The following DERA variants were observed in gnomAD, a reference collection of about 807,000 sequenced individuals.
The protein encoded by DERA is 2-deoxy-D-ribose 5-phosphate aldolase.
In DERA, 15 loss-of-function variants were observed where a neutral mutation model predicts 41.1. The observed-to-expected ratio is 0.37, with a 90% CI of 0.24 to 0.56. DERA has a LOEUF of 0.56. DERA is among the 20% of genes least tolerant of loss of function. The pLI is 0.81. For missense variants in DERA, 396 were observed against 403.4 expected (o/e 0.98, Z 0.16); for synonymous variants, 139 against 137.4 (o/e 1.01, Z -0.08).
intron 6 of DERA, among the ~76,000 whole-genome samples, chr12:16,032,199 G>A (rs1014311689): frequency 7.2e-5 from 11 of 152,188 alleles, no homozygotes; most frequent in South Asian, 4.2e-4. Context: ...AAAATGTTAC[G>A]ATGTATAATA....
At chr12:15,950,994 G>A (rs1455711665) in intron 1 of DERA, among the ~76,000 whole-genome samples, 3 of 152,202 alleles carry the variant, frequency 2.0e-5, no homozygotes, top group Non-Finnish European at 2.9e-5. Flanking sequence ...TCTGTCCCTT[G>A]TCTGTCTTGT....
rs1949019283 is a variant in DERA at position 16,021,914 on chromosome 12, AG to A, written c.638-10627del. Among the ~76,000 whole-genome samples the A allele has an allele frequency of 6.6e-6, 1 of 152,212 alleles. No homozygotes were observed. On this transcript the variant is annotated intron_variant, in intron 6 of 8. Transcript: ENST00000428559. The surrounding 1 kb of genome is among the most constrained non-coding windows in gnomAD (Gnocchi z 5.3). The stretch of plus-strand genomic sequence containing the variant: ...TGACAGGTGGAAGGAACTCATCTCC[AG>A]ATAAGACTTTGGACTTTAGACTTTG...
At chr12:16,034,132 G>T (rs1476949435) in intron 7 of DERA, among the ~76,000 whole-genome samples, 1 of 152,152 alleles carries the variant, frequency 6.6e-6, no homozygotes, top group Admixed American at 6.5e-5. Flanking sequence ...GGTGGTTTTG[G>T]GTCTGGCATA....
rs185833602 is a variant in DERA at position 16,023,809 on chromosome 12, G to T, written c.638-8733G>T. Among the ~76,000 whole-genome samples, 479 of 152,260 alleles carry T rather than the reference G, an allele frequency of 3.1e-3. 1 individual carries two copies. The highest frequency in any genetic ancestry group is 2.7e-3 in the Non-Finnish European group (186 of 68,014). ...GTCTTTATAGAGAAAACAAGTATCA[G>T]AATCAGATTCAGATATGGCATAGAT... On this transcript the variant is annotated intron_variant, in intron 6 of 8. Coordinates refer to ENST00000428559, the MANE Select transcript of DERA (RefSeq NM_015954.4).
At chr12:15,934,543 C>T (rs564087421) in intron 1 of DERA, among the ~76,000 whole-genome samples, 3 of 151,708 alleles carry the variant, frequency 2.0e-5, no homozygotes, top group Non-Finnish European at 2.9e-5. Context: ...GAGCCGAGAT[C>T]GTGCCACTGC....
At position 15,966,241 on chromosome 12, in the gene DERA, C is replaced by T. The variant is rs1948622162; in HGVS notation, c.508+3294C>T. On this transcript the variant is annotated intron_variant, in intron 5 of 8. Transcript: ENST00000428559. This position sits in a 1 kb window ranked among gnomAD's most constrained non-coding sequence, Gnocchi z 5.1. ...CAACGCTCTGGAGTGAGGCGTCCTCCTCACTTGAGGTTGGGAGTTTGAGAC... is the reference window on the plus strand; with the variant it reads ...CAACGCTCTGGAGTGAGGCGTCCTCTTCACTTGAGGTTGGGAGTTTGAGAC... Among the ~76,000 whole-genome samples, 1 of 152,144 alleles carries T rather than the reference C, an allele frequency of 6.6e-6. No individual in the cohort carries two copies. The highest frequency in any genetic ancestry group is 1.5e-5 in the Non-Finnish European group (1 of 68,024).
At chr12:15,912,242 G>T (rs957712055) in intron 1 of DERA, among the ~76,000 whole-genome samples, 1 of 151,984 alleles carries the variant, frequency 6.6e-6, no homozygotes, top group African/African-American at 2.4e-5. Flanking sequence ...CTGCCTTCAA[G>T]CATCTGTTTA....
chr12:15,981,203 CCAGGCGTGGTGG>C lies in DERA; in HGVS notation c.509-1098_509-1087del, dbSNP rs987314373. 1.3e-5 allele frequency among the ~76,000 whole-genome samples: 2 copies of C among 152,052 alleles called. No individual in the cohort carries two copies. Among genetic ancestry groups the C allele is most frequent in the African/African-American group, 2.4e-5 (1 of 41,396 alleles). On this transcript the variant is annotated intron_variant, in intron 5 of 8. Coordinates refer to ENST00000428559, the MANE Select transcript of DERA (RefSeq NM_015954.4). This position sits in a 1 kb window ranked among gnomAD's most constrained non-coding sequence, Gnocchi z 6.1. ...CTCTACTAAAACTACAAAAAGTTAC[CCAGGCGTGGTGG>C]CAGGCGCCTGTAGTCCCAGCTACTC...
In DERA at chr12:15,994,125, C is replaced by T. The variant is rs1048635735; in HGVS notation, c.637+11689C>T. Among the ~76,000 whole-genome samples the T allele has an allele frequency of 3.9e-5, 6 of 152,176 alleles. No individual in the cohort carries two copies. Among genetic ancestry groups the T allele is most frequent in the African/African-American group, 7.2e-5 (3 of 41,438 alleles). ...ACTGCTTCTTGCAGACCTAACTTGC[C>T]TAGAAAAATTCACAGGTGCAAAGAC... On this transcript the variant is annotated intron_variant, in intron 6 of 8. Transcript: ENST00000428559. This position sits in a 1 kb window ranked among gnomAD's most constrained non-coding sequence, Gnocchi z 4.8.
At chr12:15,991,877 C>T (rs1386461723) in intron 6 of DERA, among the ~76,000 whole-genome samples, 1 of 152,100 alleles carries the variant, frequency 6.6e-6, no homozygotes, top group Admixed American at 6.6e-5. Flanking sequence ...ACCAGTTCCT[C>T]TCTCTGTTAT....
rs561147894 is a variant in DERA at position 16,017,589 on chromosome 12, C to T, written c.638-14953C>T. ...TATGTACTCTGGCCAGTGCTTCAAC[C>T]GTAACACTGCATCTTTATTATATTG... On this transcript the variant is annotated intron_variant, in intron 6 of 8. Coordinates refer to ENST00000428559, the MANE Select transcript of DERA (RefSeq NM_015954.4). The surrounding 1 kb of genome is among the most constrained non-coding windows in gnomAD (Gnocchi z 5.5). Among the ~76,000 whole-genome samples the T allele has an allele frequency of 1.2e-4, 18 of 152,238 alleles. No individual in the cohort carries two copies. In the Middle Eastern group the frequency reaches 0.01, roughly 86 times the overall value.
At position 15,982,956 on chromosome 12, in the gene DERA, A is replaced by G. The variant is rs79628227; in HGVS notation, c.637+520A>G. ...GCAGGTCTATCCATTTAGACATCCA[A>G]GCTTGCAGCCTAGGAGTCATGCTTG... On this transcript the variant is annotated intron_variant, in intron 6 of 8. Coordinates refer to ENST00000428559, the MANE Select transcript of DERA (RefSeq NM_015954.4). This position sits in a 1 kb window ranked among gnomAD's most constrained non-coding sequence, Gnocchi z 4.0. 0.023 allele frequency among the ~76,000 whole-genome samples: 3,500 copies of G among 152,294 alleles called. 153 individuals are homozygous for G. The highest frequency in any genetic ancestry group is 0.08 in the African/African-American group (3,330 of 41,534).
rs1361354319 is a variant in DERA, at chr12:15,994,655, A to G, written c.637+12219A>G. 2.0e-5 allele frequency among the ~76,000 whole-genome samples: 3 copies of G among 152,158 alleles called. No individual in the cohort carries two copies. The highest frequency in any genetic ancestry group is 2.1e-4 in the South Asian group (1 of 4,820). On this transcript the variant is annotated intron_variant, in intron 6 of 8. Transcript: ENST00000428559. This position sits in a 1 kb window ranked among gnomAD's most constrained non-coding sequence, Gnocchi z 4.8. ...TTTTTAGTAGAGACGGGGTTTCACC[A>G]TGTTAGCCAGCATGGTCTCGATCTC...
chr12:15,953,186 A>G (rs1447078286), intron 1 of DERA, among the ~76,000 whole-genome samples: 3 of 152,188 alleles, frequency 2.0e-5, no homozygotes, highest in African/African-American at 7.2e-5. Context: ...CCAACTGGAT[A>G]AGCCTACTGT....
At chr12:15,961,736 A>T (rs1948589430) in intron 4 of DERA, among the ~76,000 whole-genome samples, 2 of 152,124 alleles carry the variant, frequency 1.3e-5, no homozygotes, top group Admixed American at 1.3e-4. Context: ...AACAGACCTA[A>T]GGAATTTTTT....
chr12:16,034,721 G>T (rs1949115391), intron 7 of DERA, among the ~76,000 whole-genome samples: 1 of 151,226 alleles, frequency 6.6e-6, no homozygotes, highest in South Asian at 2.1e-4. Context: ...TTTCATAACT[G>T]ATTTCATTGC....
In DERA at chr12:15,936,958, G is replaced by GT. The variant is rs1184067613; in HGVS notation, c.32-19978_32-19977insT. ...GTCTTGTCCTGTCCCGTCCTGTCCTGCCCTGCCCTGCCCTGTCTTGTCTTT... is the reference window on the plus strand; with the variant it reads ...GTCTTGTCCTGTCCCGTCCTGTCCTGTCCCTGCCCTGCCCTGTCTTGTCTTT... On this transcript the variant is annotated intron_variant, in intron 1 of 8. Coordinates refer to ENST00000428559, the MANE Select transcript of DERA (RefSeq NM_015954.4). The surrounding 1 kb of genome is among the most constrained non-coding windows in gnomAD (Gnocchi z 4.6). Among the ~76,000 whole-genome samples, 1,886 of 145,128 alleles carry GT rather than the reference G, an allele frequency of 0.013. 41 individuals carry two copies. The highest frequency in any genetic ancestry group is 0.05 in the African/African-American group (1,769 of 35,504).
chr12:15,973,442 G>T (rs1443843923), intron 5 of DERA, among the ~76,000 whole-genome samples: 1 of 29,864 alleles, frequency 3.3e-5, no homozygotes, highest in Non-Finnish European at 7.2e-5. Context: ...TATATGGCAA[G>T]AATTGCTTTT....
At chr12:15,952,821 G>A (rs987156535) in intron 1 of DERA, among the ~76,000 whole-genome samples, 3 of 152,212 alleles carry the variant, frequency 2.0e-5, no homozygotes, top group African/African-American at 7.2e-5. Context: ...TTACAAGTAA[G>A]CCATAGTCAG....
Sources: allele counts gnomAD v4.1 joint callset (sites outside exome capture counted in the v4.1 genomes callset), GRCh38; gene constraint gnomAD v4.1.1; non-coding constraint Gnocchi (gnomAD v3.1); transcripts MANE v1.5; gene names NCBI Gene and HGNC (gene_info 2026-07-23, HGNC 2026-07-21).